WWOX: variants seen among roughly 807,000 people sequenced by gnomAD.
WWOX encodes the protein WW domain containing oxidoreductase.
Under a neutral mutation model 46.2 loss-of-function variants are expected in WWOX, and 69 were observed. The ratio of observed to expected loss-of-function variants is 1.49; its 90% confidence interval spans 1.23 to 1.82. The LOEUF is 1.82. WWOX is among the 40% of genes most tolerant of loss of function. The pLI is 0.00. For missense variants in WWOX, 919 were observed against 542.6 expected (o/e 1.69, Z -6.89); for synonymous variants, 359 against 202.6 (o/e 1.77, Z -6.56).
intron 8 of WWOX, among the ~76,000 whole-genome samples, chr16:78,606,375 G>T (rs912308060): frequency 1.3e-5 from 2 of 151,932 alleles, no homozygotes; most frequent in East Asian, 1.9e-4. Context: ...AAAGGAAACG[G>T]TTACTTTGGA....
At chr16:78,527,689 A>G (rs74029528) in intron 8 of WWOX, among the ~76,000 whole-genome samples, 6,304 of 150,186 alleles carry the variant, frequency 0.042, 275 homozygotes, top group African/African-American at 0.11. Context: ...TTAATAATGT[A>G]TGTTGTTACA....
chr16:78,799,874 T>C (rs1228720370), intron 8 of WWOX, among the ~76,000 whole-genome samples: 1 of 152,230 alleles, frequency 6.6e-6, no homozygotes, highest in African/African-American at 2.4e-5. Context: ...GTTCCAGTTA[T>C]GTAGCTTTAG....
At chr16:78,600,981 T>A (rs558210273) in intron 8 of WWOX, among the ~76,000 whole-genome samples, 4 of 152,316 alleles carry the variant, frequency 2.6e-5, no homozygotes, top group African/African-American at 9.6e-5. Flanking sequence ...CTAGAGCTTC[T>A]GCCATCCCTC....
At chr16:78,129,830 C>T (rs2151694802) in intron 4 of WWOX, among the ~76,000 whole-genome samples, 1 of 151,980 alleles carries the variant, frequency 6.6e-6, no homozygotes, top group Admixed American at 6.6e-5. Flanking sequence ...TTATGTCTTC[C>T]CCAAAAATTC....
At chr16:78,135,715 CA>C (rs1177371184) in intron 4 of WWOX, among the ~76,000 whole-genome samples, 1 of 150,510 alleles carries the variant, frequency 6.6e-6, no homozygotes, top group Non-Finnish European at 1.5e-5. Context: ...CAACAAACAA[CA>C]AAAAAAACAC....
At chr16:78,407,650 C>G (rs1011296944) in intron 6 of WWOX, among the ~76,000 whole-genome samples, 1 of 152,118 alleles carries the variant, frequency 6.6e-6, no homozygotes, top group Non-Finnish European at 1.5e-5. Context: ...TGTCTTGTCT[C>G]CACAGCATAA....
chr16:78,287,893 T>C lies in WWOX; in HGVS notation c.517-98967T>C, dbSNP rs79034156. On this transcript the variant is annotated intron_variant, in intron 5 of 8. Coordinates refer to ENST00000566780, the MANE Select transcript of WWOX (RefSeq NM_016373.4). ...TTTTAATGTTCCATTCTGAAGAAAC[T>C]GGTACAGCCTTTCTTTCCTGAGTTT... Among the ~76,000 whole-genome samples, 11 of 152,222 alleles carry C rather than the reference T, an allele frequency of 7.2e-5. No individual in the cohort carries two copies. The East Asian group carries it at 1.2e-3, about 16-fold the overall frequency.
At chr16:78,278,629 A>C (rs755650639) in intron 5 of WWOX, 3 of 1,611,320 alleles carry the variant, frequency 1.9e-6, no homozygotes, top group Non-Finnish European at 2.5e-6. Flanking sequence ...CTCCGCCAGA[A>C]AAGTGCAGAA....
intron 8 of WWOX, among the ~76,000 whole-genome samples, chr16:79,033,760 C>G (rs2047812261): frequency 6.6e-6 from 1 of 152,238 alleles, no homozygotes; most frequent in South Asian, 2.1e-4. Context: ...TTCTCCCCTA[C>G]TTTGTCTATG....
At chr16:78,663,856 A>C (rs547292190) in intron 8 of WWOX, among the ~76,000 whole-genome samples, 3 of 152,310 alleles carry the variant, frequency 2.0e-5, no homozygotes, top group Admixed American at 2.0e-4. Flanking sequence ...CCTGGGGTGG[A>C]AACACACTCG....
chr16:78,107,764 G>C (rs1243911562), intron 1 of WWOX, among the ~76,000 whole-genome samples: 1 of 152,130 alleles, frequency 6.6e-6, no homozygotes, highest in African/African-American at 2.4e-5. Flanking sequence ...GAGTCCAGGA[G>C]TTCCAGTCCA....
chr16:78,953,838 C>T (rs1447966857), intron 8 of WWOX, among the ~76,000 whole-genome samples: 1 of 152,218 alleles, frequency 6.6e-6, no homozygotes, highest in African/African-American at 2.4e-5. Flanking sequence ...AGCCACTCTC[C>T]ACTCTCCTGT....
chr16:78,861,578 G>T (rs1162098616), intron 8 of WWOX, among the ~76,000 whole-genome samples: 1 of 151,968 alleles, frequency 6.6e-6, no homozygotes, highest in African/African-American at 2.4e-5. Flanking sequence ...TAAAAGTAAG[G>T]TCTCTTTAAA....
At chr16:79,152,968 A>G (rs1256158415) in intron 8 of WWOX, among the ~76,000 whole-genome samples, 1 of 152,142 alleles carries the variant, frequency 6.6e-6, no homozygotes, top group Non-Finnish European at 1.5e-5. Context: ...TGAGAGTGTC[A>G]GGGAAGCTTG....
chr16:78,843,154 C>G (rs535061114), intron 8 of WWOX, among the ~76,000 whole-genome samples: 1 of 149,904 alleles, frequency 6.7e-6, no homozygotes, highest in East Asian at 2.0e-4. Flanking sequence ...GAGTGTGTTA[C>G]TTTATTACTG....
intron 8 of WWOX, among the ~76,000 whole-genome samples, chr16:79,118,413 A>T (rs114448208): frequency 6.6e-6 from 1 of 152,216 alleles, no homozygotes; most frequent in Non-Finnish European, 1.5e-5. Flanking sequence ...CAAAACTGAT[A>T]TAATAATAAT....
intron 8 of WWOX, among the ~76,000 whole-genome samples, chr16:78,913,713 G>A (rs184008984): frequency 2.0e-4 from 30 of 151,610 alleles, no homozygotes; most frequent in African/African-American, 6.8e-4. Context: ...CCAGACTTGG[G>A]TGCAATGGTG....
intron 1 of WWOX, among the ~76,000 whole-genome samples, chr16:78,101,518 G>C (rs922794195): frequency 1.3e-5 from 2 of 151,662 alleles, no homozygotes; most frequent in Non-Finnish European, 1.5e-5. Context: ...GGCTAATTTC[G>C]CGCTGTTGGC....
At chr16:78,797,623 T>A (rs942206935) in intron 8 of WWOX, among the ~76,000 whole-genome samples, 1 of 152,004 alleles carries the variant, frequency 6.6e-6, no homozygotes, top group African/African-American at 2.4e-5. Context: ...ATTTGAAAAA[T>A]AGGAAGATTC....
Sources: allele counts gnomAD v4.1 joint callset (sites outside exome capture counted in the v4.1 genomes callset), GRCh38; gene constraint gnomAD v4.1.1; transcripts MANE v1.5; gene names NCBI Gene and HGNC (gene_info 2026-07-23, HGNC 2026-07-21).